Variants in TENM3 observed in about 807,000 individuals in gnomAD.
TENM3 encodes the protein teneurin transmembrane protein 3.
A neutral mutation model predicts 255.1 loss-of-function variants in TENM3; 63 were observed. The observed-to-expected ratio is 0.25, with a 90% CI of 0.20 to 0.30. TENM3 has a LOEUF of 0.30. TENM3 is among the 10% of genes least tolerant of loss of function. The pLI, the probability that TENM3 is intolerant of heterozygous loss-of-function variation, is 1.00. For missense variants in TENM3, 2,929 were observed against 3,461.1 expected (o/e 0.85, Z 3.86); for synonymous variants, 1,306 against 1,322.3 (o/e 0.99, Z 0.27).
the TENM3 span, among the ~76,000 whole-genome samples, chr4:181,516,222 AG>A: frequency 6.6e-6 from 1 of 151,730 alleles, no homozygotes; most frequent in Non-Finnish European, 1.5e-5. Flanking sequence ...GGGTCAGGGG[AG>A]GGGAGAGCAT....
At chr4:181,780,409 G>T in the TENM3 span, among the ~76,000 whole-genome samples, 6 of 152,252 alleles carry the variant, frequency 3.9e-5, no homozygotes, top group Non-Finnish European at 7.4e-5. Flanking sequence ...ATTTTTTCAT[G>T]TGTCTCTTGG....
At chr4:182,612,628 G>C (rs757189532) in intron 4 of TENM3, among the ~76,000 whole-genome samples, 26 of 152,128 alleles carry the variant, frequency 1.7e-4, no homozygotes, top group Non-Finnish European at 2.9e-4. Context: ...ACCTGATATA[G>C]AGACTGCGTA....
chr4:182,680,317 T>C lies in TENM3; in HGVS notation c.1607T>C (p.Phe536Ser). The part of the protein sequence containing the change: ...GECVSGTCHC[F>S]PGFLGPDCSR... ...TGCGTTTCTGGAACTTGCCATTGTT[T>C]TCCAGGATTTCTGGGTCCGGATTGT... Residue 536 changes from phenylalanine (F) to serine (S), a missense_variant, in exon 9 of 28, where the codon TTT becomes TCT. Transcript: ENST00000511685. The C allele has an allele frequency of 6.2e-7, 1 of 1,613,880 alleles. No individual in the cohort carries two copies. The highest frequency in any genetic ancestry group is 1.1e-5 in the South Asian group (1 of 91,028).
the TENM3 span, among the ~76,000 whole-genome samples, chr4:181,930,586 G>T: frequency 6.6e-6 from 1 of 151,900 alleles, no homozygotes. Context: ...TCTACCAGAG[G>T]TACAAAGAGG....
the TENM3 span, among the ~76,000 whole-genome samples, chr4:181,868,222 G>A: frequency 2.0e-5 from 3 of 151,876 alleles, no homozygotes; most frequent in African/African-American, 7.3e-5. Context: ...ACGCCAACAG[G>A]TATCTCCAGC....
the TENM3 span, among the ~76,000 whole-genome samples, chr4:181,823,653 TG>T: frequency 6.6e-6 from 1 of 152,094 alleles, no homozygotes; most frequent in Admixed American, 6.6e-5. Context: ...GAAGCAATGA[TG>T]GGGGTAAAAA....
chr4:182,726,140 T>G (rs1760158737), intron 13 of TENM3, among the ~76,000 whole-genome samples: 1 of 152,096 alleles, frequency 6.6e-6, no homozygotes, highest in African/African-American at 2.4e-5. Context: ...ACAAAAAACT[T>G]AAAATATTAG....
At chr4:181,724,057 A>C in the TENM3 span, among the ~76,000 whole-genome samples, 15 of 152,340 alleles carry the variant, frequency 9.8e-5, no homozygotes, top group African/African-American at 3.6e-4. Context: ...GCTCAGAGTC[A>C]TGTAAAATGT....
At chr4:181,697,528 G>C in the TENM3 span, among the ~76,000 whole-genome samples, 1 of 152,012 alleles carries the variant, frequency 6.6e-6, no homozygotes, top group African/African-American at 2.4e-5. Flanking sequence ...TGAGTAGCTG[G>C]GACTACAGGC....
chr4:182,213,946 C>T (rs1188426830), intron 1 of TENM3, among the ~76,000 whole-genome samples: 2 of 151,996 alleles, frequency 1.3e-5, no homozygotes, highest in East Asian at 1.9e-4. Flanking sequence ...GGACTACAGG[C>T]GCCCGCCACC....
the TENM3 span, among the ~76,000 whole-genome samples, chr4:181,771,566 T>C: frequency 1.3e-5 from 2 of 152,224 alleles, no homozygotes; most frequent in Non-Finnish European, 2.9e-5. Context: ...CAATTCTGTC[T>C]TGTCCTCAGA....
chr4:181,907,135 CTCTG>C, the TENM3 span, among the ~76,000 whole-genome samples: 1 of 152,192 alleles, frequency 6.6e-6, no homozygotes, highest in Non-Finnish European at 1.5e-5. Flanking sequence ...ATTCGCCTGT[CTCTG>C]AGCCCAGCCT....
chr4:181,855,151 C>T, the TENM3 span, among the ~76,000 whole-genome samples: 6 of 152,040 alleles, frequency 3.9e-5, no homozygotes, highest in Non-Finnish European at 8.8e-5. Context: ...ATAAATGGGC[C>T]AGTGGAAGTA....
intron 3 of TENM3, among the ~76,000 whole-genome samples, chr4:182,454,757 A>G (rs1324409770): frequency 6.6e-6 from 1 of 152,228 alleles, no homozygotes; most frequent in East Asian, 1.9e-4. Flanking sequence ...ATCAACTCCA[A>G]TAAAATGGCA....
intron 12 of TENM3, chr4:182,707,872 A>G (rs1381756045): frequency 1.3e-5 from 2 of 152,104 alleles, no homozygotes; most frequent in African/African-American, 2.4e-5. Context: ...GTGCTTTCCT[A>G]CGGAATCCAT....
chr4:182,155,379 A>T (rs1750634088), intron 1 of TENM3, among the ~76,000 whole-genome samples: 1 of 152,122 alleles, frequency 6.6e-6, no homozygotes, highest in African/African-American at 2.4e-5. Context: ...TCAGCTTCAA[A>T]AGATGGCTCT....
chr4:182,606,155 A>C (rs1012863365), intron 4 of TENM3, among the ~76,000 whole-genome samples: 1 of 152,206 alleles, frequency 6.6e-6, no homozygotes, highest in Admixed American at 6.5e-5. Context: ...GTAGCTCCTA[A>C]AATAATACTT....
chr4:181,633,701 C>T, the TENM3 span, among the ~76,000 whole-genome samples: 1 of 152,276 alleles, frequency 6.6e-6, no homozygotes, highest in East Asian at 1.9e-4. Context: ...TGTCTGAAGG[C>T]ACTACTAATA....
At chr4:182,449,926 G>A (rs774521721) in intron 3 of TENM3, among the ~76,000 whole-genome samples, 13 of 152,188 alleles carry the variant, frequency 8.5e-5, no homozygotes, top group Non-Finnish European at 1.6e-4. Flanking sequence ...ACAAAGATCT[G>A]TGGCAGCTGT....
Sources: allele counts gnomAD v4.1 joint callset (sites outside exome capture counted in the v4.1 genomes callset), GRCh38; gene constraint gnomAD v4.1.1; transcripts MANE v1.5; gene names NCBI Gene and HGNC (gene_info 2026-07-23, HGNC 2026-07-21).